Variants in CEP70 observed in about 807,000 individuals in gnomAD.
CEP70 encodes centrosomal protein 70.
A neutral mutation model predicts 90.9 loss-of-function variants in CEP70; 70 were observed. The ratio of observed to expected loss-of-function variants is 0.77; its 90% CI spans 0.64 to 0.94. CEP70 has a LOEUF of 0.94. Among genes scored for constraint, CEP70 ranks in the 40% least tolerant of loss-of-function variants. CEP70 has a pLI of 0.00. For synonymous variants in CEP70, 220 were observed against 228.3 expected, an observed-to-expected ratio of 0.96 and a Z score of 0.33; for missense variants, 648 against 669.0, an observed-to-expected ratio of 0.97 and a Z score of 0.35.
chr3:138,511,995 G>C (rs2035579769), intron 11 of CEP70, among the ~76,000 whole-genome samples: 1 of 152,152 alleles, frequency 6.6e-6, no homozygotes, highest in Non-Finnish European at 1.5e-5. Context: ...CTTTAGAACT[G>C]GAGAATAAAA....
At chr3:138,502,872 T>C (rs1165002531) in intron 13 of CEP70, among the ~76,000 whole-genome samples, 1 of 152,082 alleles carries the variant, frequency 6.6e-6, no homozygotes, top group Non-Finnish European at 1.5e-5. Context: ...CACTGGAGAA[T>C]AGCAAAGCAA....
chr3:138,521,769 C>T (rs2108793933), intron 11 of CEP70, among the ~76,000 whole-genome samples: 1 of 152,266 alleles, frequency 6.6e-6, no homozygotes, highest in East Asian at 1.9e-4. Context: ...CCGGCCGCCA[C>T]CCTGTCTGGG....
At chr3:138,537,564 A>T (rs888680025) in intron 6 of CEP70, among the ~76,000 whole-genome samples, 1 of 152,168 alleles carries the variant, frequency 6.6e-6, no homozygotes, top group African/African-American at 2.4e-5. Flanking sequence ...AAATGGGGAA[A>T]CTACAGTTCA....
intron 6 of CEP70, among the ~76,000 whole-genome samples, chr3:138,546,244 T>C (rs890210808): frequency 9.2e-5 from 14 of 152,120 alleles, no homozygotes; most frequent in Admixed American, 2.6e-4. Context: ...AGAACCTACG[T>C]TGAAATACTG....
At chr3:138,522,808 G>A (rs2036805399) in intron 11 of CEP70, among the ~76,000 whole-genome samples, 1 of 152,152 alleles carries the variant, frequency 6.6e-6, no homozygotes, top group Non-Finnish European at 1.5e-5. Context: ...AGGAGGAGCT[G>A]GTACCATTCC....
chr3:138,586,880 C>T (rs900022728), intron 2 of CEP70, among the ~76,000 whole-genome samples: 3 of 152,066 alleles, frequency 2.0e-5, no homozygotes, highest in African/African-American at 7.2e-5. Flanking sequence ...ATGGTGGCTA[C>T]CTCATTTACC....
rs148806908 is a variant in CEP70, at chr3:138,498,074, G to A, written c.1689C>T (p.Phe563=). 2 of 1,613,122 alleles carry A rather than the reference G, an allele frequency of 1.2e-6. No individual in the cohort carries two copies. Among genetic ancestry groups the A allele is most frequent in the East Asian group, 2.2e-5 (1 of 44,774 alleles). The change falls in exon 17 of 18, where the codon TTC becomes TTT. Residue 563 remains phenylalanine, a synonymous_variant. Transcript: ENST00000264982. ...IYKLEEHEEF[F]PAFQAFTNDL... ...CATTAGTAAATGCCTGAAATGCTGG[G>A]AAAAATTCCTCGTGTTCTTCCAATT...
In CEP70 at chr3:138,570,472, C is replaced by G; in HGVS notation, c.311G>C (p.Arg104Pro). The change falls in exon 6 of 18, where the codon CGA becomes CCA. Residue 104 changes from arginine (R) to proline (P), a missense_variant. Physicochemically the swap from Arg to Pro is moderately radical, Grantham distance 103. Coordinates refer to ENST00000264982, the MANE Select transcript of CEP70 (RefSeq NM_024491.4). ...AGCTCGTTGTTCTTGATTGGCTGCTCGGCTTTGCTCTAGCTGAAGTTCATT... is the reference window on the plus strand; with the variant it reads ...AGCTCGTTGTTCTTGATTGGCTGCTGGGCTTTGCTCTAGCTGAAGTTCATT... ...LRNELQLEQS[R>P]AANQEQRAND... The G allele has an allele frequency of 6.2e-7, 1 of 1,606,412 alleles. No homozygotes were observed. Among genetic ancestry groups the G allele is most frequent in the South Asian group, 1.1e-5 (1 of 89,074 alleles).
intron 11 of CEP70, among the ~76,000 whole-genome samples, chr3:138,516,009 C>A (rs1291690223): frequency 6.6e-6 from 1 of 152,174 alleles, no homozygotes; most frequent in African/African-American, 2.4e-5. Flanking sequence ...TACCTCCATT[C>A]TCCAATTCCA....
intron 11 of CEP70, among the ~76,000 whole-genome samples, chr3:138,521,565 G>A (rs996213216): frequency 2.0e-5 from 3 of 149,656 alleles, no homozygotes; most frequent in Non-Finnish European, 3.0e-5. Flanking sequence ...GAGCGCCTCT[G>A]CCCGGCCGCC....
At chr3:138,521,463 C>G (rs1367634780) in intron 11 of CEP70, among the ~76,000 whole-genome samples, 1 of 151,364 alleles carries the variant, frequency 6.6e-6, no homozygotes, top group East Asian at 2.0e-4. Flanking sequence ...GGCCGTCATC[C>G]TGTCTAGGAA....
chr3:138,570,456 T>C lies in CEP70; in HGVS notation c.327A>G (p.Glu109=). ...TTTGTTCCAAGTCATTAGCTCGTTG[T>C]TCTTGATTGGCTGCTCGGCTTTGCT... ...QLEQSRAANQ[E]QRANDLEQIM... The change falls in exon 6 of 18, where the codon GAA becomes GAG. Residue 109 remains glutamate (E), a synonymous_variant. Coordinates refer to ENST00000264982, the MANE Select transcript of CEP70 (RefSeq NM_024491.4). The C allele has an allele frequency of 6.2e-7, 1 of 1,609,356 alleles. No individual in the cohort carries two copies. The highest frequency in any genetic ancestry group is 8.5e-7 in the Non-Finnish European group (1 of 1,178,634).
At chr3:138,569,712 A>G (rs1389206103) in intron 6 of CEP70, among the ~76,000 whole-genome samples, 2 of 152,118 alleles carry the variant, frequency 1.3e-5, no homozygotes, top group Non-Finnish European at 2.9e-5. Flanking sequence ...TATAAAAAAT[A>G]TAAAAATTAG....
At chr3:138,589,492 A>G (rs1308210103) in intron 2 of CEP70, among the ~76,000 whole-genome samples, 1 of 139,622 alleles carries the variant, frequency 7.2e-6, no homozygotes, top group East Asian at 2.0e-4. Context: ...GTCTCTCAAG[A>G]AAAAAAAAAA....
Position 138,500,782 on chromosome 3 carries a change from A to G in CEP70, c.1321T>C (p.Leu441=). The G allele has an allele frequency of 1.9e-6, 3 of 1,606,858 alleles. No homozygotes were observed. The highest frequency in any genetic ancestry group is 2.6e-6 in the Non-Finnish European group (3 of 1,175,590). The change falls in exon 14 of 18, where the codon TTG becomes CTG. Residue 441 remains leucine, a synonymous_variant. Coordinates refer to ENST00000264982, the MANE Select transcript of CEP70 (RefSeq NM_024491.4). ...TCCAGCATAGTATCTACTATAAACAACAAATCTTCAACTTTGATACCTTCA... is the reference window on the plus strand; with the variant it reads ...TCCAGCATAGTATCTACTATAAACAGCAAATCTTCAACTTTGATACCTTCA... ...ENEGIKVEDL[L]FIVDTMLEEV...
chr3:138,534,145 A>C (rs2038071602), intron 7 of CEP70, among the ~76,000 whole-genome samples: 2 of 152,254 alleles, frequency 1.3e-5, no homozygotes, highest in Admixed American at 1.3e-4. Flanking sequence ...ACAAAATAAT[A>C]CTATGCTTTC....
chr3:138,500,583 G>C lies in CEP70; in HGVS notation c.1369-16C>G, dbSNP rs1176184494. 1.3e-6 allele frequency: 2 copies of C among 1,565,614 alleles called. No homozygotes were observed. Among genetic ancestry groups the C allele is most frequent in the Admixed American group, 4.3e-5 (2 of 46,408 alleles). On this transcript the variant is annotated splice_polypyrimidine_tract_variant and intron_variant, in intron 14 of 17. Transcript: ENST00000264982. ...TATTGCTGTCCTGTCCAAAAAAGAG[G>C]TAAAAAAGAAAGAGTTCATTATCTT...
At chr3:138,538,706 T>C (rs2038498398) in intron 6 of CEP70, among the ~76,000 whole-genome samples, 1 of 152,178 alleles carries the variant, frequency 6.6e-6, no homozygotes, top group Non-Finnish European at 1.5e-5. Flanking sequence ...GGTGAGATTC[T>C]TCAGATCAAG....
chr3:138,502,244 A>C (rs1313414317), intron 13 of CEP70, among the ~76,000 whole-genome samples: 2 of 152,208 alleles, frequency 1.3e-5, no homozygotes, highest in East Asian at 3.8e-4. Context: ...TATATTTTAC[A>C]CTTATAACAC....
Sources: allele counts gnomAD v4.1 joint callset (sites outside exome capture counted in the v4.1 genomes callset), GRCh38; gene constraint gnomAD v4.1.1; transcripts MANE v1.5; gene names NCBI Gene and HGNC (gene_info 2026-07-23, HGNC 2026-07-21).